Variants in NAPB observed in about 807,000 individuals in gnomAD.
The protein encoded by NAPB is NSF attachment protein beta.
In NAPB, 26 loss-of-function variants were observed where a neutral mutation model predicts 44.7. The ratio of observed to expected loss-of-function variants is 0.58; its 90% CI spans 0.43 to 0.81. NAPB has a LOEUF of 0.81. Ranked by LOEUF, NAPB falls within the 30% of genes least tolerant of loss-of-function variation. NAPB has a pLI of 0.00. For synonymous variants in NAPB, 120 were observed against 116.8 expected (o/e 1.03, Z -0.18); for missense variants, 315 against 356.4 (o/e 0.88, Z 0.94).
chr20:23,377,426 T>C lies in NAPB; in HGVS notation c.847A>G (p.Ile283Val), dbSNP rs201107978. The C allele has an allele frequency of 9.3e-6, 15 of 1,606,534 alleles. No individual in the cohort carries two copies. Among genetic ancestry groups the C allele is most frequent in the Non-Finnish European group, 1.3e-5 (15 of 1,174,858 alleles). The stretch of plus-strand genomic sequence containing the variant: ...CCATCCCCTTGGATGGACTTTTTGA[T>C]GCGAAGCAACATGGTGGTCAGCCAC... ...DQWLTTMLLR[I>V]KKSIQGDGEG... The change falls in exon 11 of 11, where the codon ATC (isoleucine) becomes GTC (valine). Residue 283 changes from isoleucine to valine, a missense_variant. Transcript: ENST00000377026.
chr20:23,410,729 T>C (rs190783400), intron 1 of NAPB, among the ~76,000 whole-genome samples: 3 of 152,056 alleles, frequency 2.0e-5, no homozygotes, highest in African/African-American at 7.2e-5. Flanking sequence ...AAATGAGCCA[T>C]ACCAAAAAAG....
chr20:23,393,283 A>G (rs1324076820), intron 5 of NAPB, among the ~76,000 whole-genome samples: 1 of 152,146 alleles, frequency 6.6e-6, no homozygotes, highest in African/African-American at 2.4e-5. Context: ...ATCAGGGAGT[A>G]TCCTCAGAAA....
At position 23,377,501 on chromosome 20, in the gene NAPB, G is replaced by A; in HGVS notation, c.787-15C>T. ...AATTCCTTCACCTAGTATAAGGAAA[G>A]AGGAACAGGAATTACCCCATGTAAA... is the stretch of plus-strand genomic sequence containing the variant. On this transcript the variant is annotated splice_polypyrimidine_tract_variant and intron_variant, in intron 10 of 10. Coordinates refer to ENST00000377026, the MANE Select transcript of NAPB (RefSeq NM_022080.3). The A allele has an allele frequency of 6.5e-7, 1 of 1,548,804 alleles. No individual in the cohort carries two copies. Among genetic ancestry groups the A allele is most frequent in the African/African-American group, 1.4e-5 (1 of 74,060 alleles).
At chr20:23,383,290 C>T (rs904854621) in intron 7 of NAPB, among the ~76,000 whole-genome samples, 1 of 151,782 alleles carries the variant, frequency 6.6e-6, no homozygotes, top group African/African-American at 2.4e-5. Flanking sequence ...AGCTTAAAAC[C>T]AAATATATCT....
chr20:23,396,320 G>A (rs372573470), intron 3 of NAPB, among the ~76,000 whole-genome samples: 1 of 152,112 alleles, frequency 6.6e-6, no homozygotes, highest in African/African-American at 2.4e-5. Context: ...GTCACTTTGG[G>A]AAATAAACTG....
intron 1 of NAPB, among the ~76,000 whole-genome samples, chr20:23,408,590 A>C (rs1985424049): frequency 6.6e-6 from 1 of 152,220 alleles, no homozygotes; most frequent in Admixed American, 6.5e-5. Flanking sequence ...AGATTCTAAA[A>C]ACTTGGGGCT....
intron 1 of NAPB, among the ~76,000 whole-genome samples, chr20:23,406,242 A>T (rs1985247532): frequency 6.6e-6 from 1 of 152,188 alleles, no homozygotes. Flanking sequence ...ATTGTGTTAC[A>T]GCAGCGCAAA....
intron 1 of NAPB, among the ~76,000 whole-genome samples, chr20:23,406,477 C>G (rs977886005): frequency 1.5e-4 from 23 of 151,898 alleles, no homozygotes; most frequent in African/African-American, 5.6e-4. Flanking sequence ...CTCCCCAACA[C>G]ACACAAAAAA....
chr20:23,394,884 G>T lies in NAPB; in HGVS notation c.420+38C>A, dbSNP rs183500865. ...GAGAGTTCTTTGAGTCAGCTTATCT[G>T]CCTGCTTCACATCTGAGGAAGTGTG... is the stretch of plus-strand genomic sequence containing the variant. On this transcript the variant is annotated intron_variant, in intron 5 of 10. Coordinates refer to ENST00000377026, the MANE Select transcript of NAPB (RefSeq NM_022080.3). 5.5e-5 allele frequency: 88 copies of T among 1,586,314 alleles called. No homozygotes were observed. The Admixed American group carries it at 1.0e-3, about 18-fold the overall frequency.
chr20:23,388,290 T>TA (rs1229984961), intron 7 of NAPB, among the ~76,000 whole-genome samples: 1 of 151,968 alleles, frequency 6.6e-6, no homozygotes, highest in Non-Finnish European at 1.5e-5. Flanking sequence ...CATACACCCC[T>TA]ACACCTCTTA....
At chr20:23,409,644 T>C (rs1459425973) in intron 1 of NAPB, among the ~76,000 whole-genome samples, 2 of 152,208 alleles carry the variant, frequency 1.3e-5, no homozygotes, top group African/African-American at 4.8e-5. Context: ...TGAATTTCAG[T>C]CTTCAGAAAA....
intron 1 of NAPB, among the ~76,000 whole-genome samples, chr20:23,416,447 TTC>T (rs1399906770): frequency 3.9e-5 from 6 of 152,146 alleles, no homozygotes; most frequent in African/African-American, 7.2e-5. Context: ...GAAAAACAGA[TTC>T]TGTCTCTCTG....
intron 1 of NAPB, among the ~76,000 whole-genome samples, chr20:23,408,008 C>T (rs1391178808): frequency 6.6e-6 from 1 of 152,078 alleles, no homozygotes; most frequent in African/African-American, 2.4e-5. Context: ...ATGAGATGTA[C>T]CTCAAAGAAA....
At chr20:23,410,033 T>C (rs1600596457) in intron 1 of NAPB, among the ~76,000 whole-genome samples, 2 of 152,234 alleles carry the variant, frequency 1.3e-5, no homozygotes, top group African/African-American at 2.4e-5. Context: ...GGGAACTGAA[T>C]AGAAGGGCTT....
intron 7 of NAPB, among the ~76,000 whole-genome samples, chr20:23,385,901 T>C (rs1426584078): frequency 6.6e-6 from 1 of 152,116 alleles, no homozygotes; most frequent in African/African-American, 2.4e-5. Context: ...ATAAAACATA[T>C]GCCAAGATAG....
chr20:23,381,359 C>T, intron 7 of NAPB, 42 bp from the exon 8 acceptor site: 2 of 1,285,832 alleles, frequency 1.6e-6, no homozygotes, highest in South Asian at 1.5e-5. Context: ...GATTTACCCT[C>T]TTATATCAGG....
At chr20:23,391,114 A>G (rs1983923135) in intron 5 of NAPB, among the ~76,000 whole-genome samples, 1 of 152,190 alleles carries the variant, frequency 6.6e-6, no homozygotes, top group Non-Finnish European at 1.5e-5. Flanking sequence ...GTTCAGGACT[A>G]GCCTGGCCAA....
At position 23,392,379 on chromosome 20, in the gene NAPB, C is replaced by T. The variant is rs141408584; in HGVS notation, c.421-2115G>A. Reference sequence around the variant, plus strand: ...AGCTGCATTTTAAAATTCAGTATTCCGTGAAGGTCAGGCATGATGGTCCAT... The same window carrying T: ...AGCTGCATTTTAAAATTCAGTATTCTGTGAAGGTCAGGCATGATGGTCCAT... On this transcript the variant is annotated intron_variant, in intron 5 of 10. Coordinates refer to ENST00000377026, the MANE Select transcript of NAPB (RefSeq NM_022080.3). 4.7e-4 allele frequency among the ~76,000 whole-genome samples: 72 copies of T among 152,240 alleles called. 1 individual carries two copies. The East Asian group carries it at 9.5e-3, about 20-fold the overall frequency.
At chr20:23,378,720 G>C (rs1475734215) in intron 10 of NAPB, 2 of 151,420 alleles carry the variant, frequency 1.3e-5, no homozygotes, top group African/African-American at 4.8e-5. Context: ...AGGATTATAG[G>C]TGTGAGCCAC....
Sources: allele counts gnomAD v4.1 joint callset (sites outside exome capture counted in the v4.1 genomes callset), GRCh38; gene constraint gnomAD v4.1.1; transcripts MANE v1.5; gene names NCBI Gene and HGNC (gene_info 2026-07-23, HGNC 2026-07-21).